STXBP5L: variants seen among roughly 807,000 people sequenced by gnomAD.
STXBP5L encodes the protein syntaxin binding protein 5L.
STXBP5L carries 65 observed loss-of-function variants against 144.5 expected under a neutral mutation model. That is an observed-to-expected ratio of 0.45 (90% CI 0.37 to 0.55). The LOEUF (loss-of-function observed/expected upper bound fraction) is 0.55. Ranked by LOEUF, STXBP5L falls within the 20% of genes least tolerant of loss-of-function variation. The probability of loss-of-function intolerance (pLI) is 0.00; values close to 1 mark genes in which losing one functional copy is unlikely to be tolerated. For synonymous variants in STXBP5L, 505 were observed against 469.6 expected, an observed-to-expected ratio of 1.08 and a Z score of -0.97; for missense variants, 1,298 against 1,405.5, an observed-to-expected ratio of 0.92 and a Z score of 1.22.
intron 3 of STXBP5L, among the ~76,000 whole-genome samples, chr3:120,958,996 C>T (rs1938395045): frequency 2.0e-5 from 3 of 152,154 alleles, no homozygotes; most frequent in South Asian, 4.1e-4. Flanking sequence ...GATTGTATAT[C>T]TAGAAATCCC....
At chr3:121,313,542 C>T (rs1309715564) in intron 19 of STXBP5L, among the ~76,000 whole-genome samples, 1 of 39,502 alleles carries the variant, frequency 2.5e-5, no homozygotes, top group Non-Finnish European at 4.6e-5. Context: ...CACTCCCGGA[C>T]GGGGCGGCCG....
intron 18 of STXBP5L, among the ~76,000 whole-genome samples, chr3:121,261,523 C>CT (rs2050380963): frequency 6.6e-6 from 1 of 151,940 alleles, no homozygotes; most frequent in South Asian, 2.1e-4. Flanking sequence ...AAATCCCAAC[C>CT]AAAATATAGA....
chr3:121,025,204 C>T (rs1408252643), intron 3 of STXBP5L, among the ~76,000 whole-genome samples: 1 of 151,962 alleles, frequency 6.6e-6, no homozygotes. Flanking sequence ...GTTTTTAAGC[C>T]TCCCCTATTT....
Position 121,119,741 on chromosome 3 carries a change from C to G in STXBP5L, c.606-1900C>G, listed in dbSNP as rs955466076. 3.3e-5 allele frequency among the ~76,000 whole-genome samples: 5 copies of G among 151,112 alleles called. No individual in the cohort carries two copies. The East Asian group carries it at 9.7e-4, about 29-fold the overall frequency. On this transcript the variant is annotated intron_variant, in intron 6 of 26. Coordinates refer to ENST00000471454, the MANE Select transcript of STXBP5L (RefSeq NM_001308330.2). ...TAGGGAACAAGCCAGAAGAAATACCCCAAAATGTTAATAGGCATTATCTCT... is the reference window on the plus strand; with the variant it reads ...TAGGGAACAAGCCAGAAGAAATACCGCAAAATGTTAATAGGCATTATCTCT...
intron 7 of STXBP5L, among the ~76,000 whole-genome samples, chr3:121,140,175 A>C (rs2045437664): frequency 6.6e-6 from 1 of 152,112 alleles, no homozygotes; most frequent in African/African-American, 2.4e-5. Context: ...AACATCGCTC[A>C]TCATCAGGGA....
At chr3:121,247,907 T>C (rs2049908399) in intron 14 of STXBP5L, among the ~76,000 whole-genome samples, 1 of 152,248 alleles carries the variant, frequency 6.6e-6, no homozygotes, top group Admixed American at 6.5e-5. Context: ...CTACTTTCAG[T>C]AGTGGCTTAA....
intron 25 of STXBP5L, among the ~76,000 whole-genome samples, chr3:121,416,503 ATTTATTAT>A (rs1262835363): frequency 2.0e-4 from 27 of 135,658 alleles, no homozygotes; most frequent in Admixed American, 9.0e-4. Context: ...TTATTTATTT[ATTTATTAT>A]TTATTTATTT....
intron 7 of STXBP5L, among the ~76,000 whole-genome samples, chr3:121,135,188 G>A (rs1577038486): frequency 6.6e-6 from 1 of 152,126 alleles, no homozygotes. Context: ...GAGTCTGTTG[G>A]CTTCATAAAT....
chr3:121,031,408 C>T (rs967329834), intron 3 of STXBP5L, among the ~76,000 whole-genome samples: 2 of 151,752 alleles, frequency 1.3e-5, no homozygotes, highest in Non-Finnish European at 2.9e-5. Context: ...ATTCATCAAT[C>T]AATCAATCAA....
rs1001158025 is a variant in STXBP5L, at chr3:121,420,579, A to G, written c.*1482A>G. On this transcript the variant is annotated 3_prime_UTR_variant, in exon 27 of 27. Coordinates refer to ENST00000471454, the MANE Select transcript of STXBP5L (RefSeq NM_001308330.2). ...ATAGAGACACCTACTACCATTTAAC[A>G]TGATTCTGGAAGTCAAAAGTTATAG... 6.6e-6 allele frequency: 1 copy of G among 152,174 alleles called. No individual in the cohort carries two copies. The highest frequency in any genetic ancestry group is 1.5e-5 in the Non-Finnish European group (1 of 68,002). 9.4% of individuals were successfully genotyped at this position (152,174 alleles called of 1,614,324 possible).
chr3:121,163,277 T>C (rs1398630519), intron 9 of STXBP5L, among the ~76,000 whole-genome samples: 1 of 152,218 alleles, frequency 6.6e-6, no homozygotes, highest in Non-Finnish European at 1.5e-5. Context: ...TGTAGGGACA[T>C]GGATGAAGCT....
intron 3 of STXBP5L, among the ~76,000 whole-genome samples, chr3:120,994,084 T>A (rs1943145698): frequency 6.6e-6 from 1 of 152,126 alleles, no homozygotes; most frequent in South Asian, 2.1e-4. Context: ...AATTTCTTTT[T>A]CAGCTTTTTC....
At chr3:121,109,869 C>G (rs1461998278) in intron 5 of STXBP5L, among the ~76,000 whole-genome samples, 3 of 152,062 alleles carry the variant, frequency 2.0e-5, no homozygotes, top group Non-Finnish European at 4.4e-5. Flanking sequence ...TTTCTAAGAA[C>G]TTGTTTTATA....
At chr3:121,124,974 T>G (rs1577017044) in intron 7 of STXBP5L, among the ~76,000 whole-genome samples, 1 of 152,298 alleles carries the variant, frequency 6.6e-6, no homozygotes, top group Admixed American at 6.5e-5. Flanking sequence ...TAGTGTCAAA[T>G]TTTATTGAAT....
chr3:121,379,160 C>A (rs1007056022), intron 21 of STXBP5L, among the ~76,000 whole-genome samples: 1 of 152,070 alleles, frequency 6.6e-6, no homozygotes, highest in African/African-American at 2.4e-5. Context: ...TGTTCCCTAC[C>A]CTTCCCATAA....
chr3:121,393,796 T>C (rs570493330), intron 22 of STXBP5L, among the ~76,000 whole-genome samples: 15 of 152,350 alleles, frequency 9.8e-5, no homozygotes, highest in East Asian at 9.6e-4. Context: ...TCTATCTATG[T>C]TTATACGAGT....
intron 22 of STXBP5L, among the ~76,000 whole-genome samples, chr3:121,402,053 G>A (rs573721174): frequency 1.3e-5 from 2 of 152,208 alleles, no homozygotes; most frequent in African/African-American, 2.4e-5. Flanking sequence ...ATAATTTGTA[G>A]GCCTAGTGCA....
At chr3:120,962,050 CT>C (rs1415420503) in intron 3 of STXBP5L, among the ~76,000 whole-genome samples, 1 of 152,100 alleles carries the variant, frequency 6.6e-6, no homozygotes, top group East Asian at 1.9e-4. Context: ...TTTCATGTGT[CT>C]TTTGGCTGCG....
At chr3:120,956,160 T>G (rs967038437) in intron 3 of STXBP5L, among the ~76,000 whole-genome samples, 6 of 151,922 alleles carry the variant, frequency 3.9e-5, no homozygotes, top group Non-Finnish European at 8.8e-5. Context: ...TGCCCAGGAG[T>G]ACAACTGAAG....
Sources: allele counts gnomAD v4.1 joint callset (sites outside exome capture counted in the v4.1 genomes callset), GRCh38; gene constraint gnomAD v4.1.1; transcripts MANE v1.5; gene names NCBI Gene and HGNC (gene_info 2026-07-23, HGNC 2026-07-21).